Variants in SLITRK4 observed in about 807,000 individuals in gnomAD.
SLITRK4 encodes SLIT and NTRK like family member 4, also known as SLIT and NTRK-like protein 4.
A neutral mutation model predicts 34.7 loss-of-function variants in SLITRK4; 7 were observed. That is an observed-to-expected ratio of 0.20 (90% CI 0.11 to 0.38). SLITRK4 has a LOEUF of 0.38. SLITRK4 is among the 10% of genes least tolerant of loss of function. SLITRK4 has a pLI of 1.00. For synonymous variants in SLITRK4, 237 were observed against 246.2 expected, an observed-to-expected ratio of 0.96 and a Z score of 0.35; for missense variants, 474 against 607.0, an observed-to-expected ratio of 0.78 and a Z score of 2.30.
At position 143,625,229 on chromosome X, in the gene SLITRK4, A is replaced by G. The variant is rs1556425240; in HGVS notation, c.*3366T>C. The G allele has an allele frequency of 9.0e-6, 1 of 111,328 alleles. No homozygotes were observed. Among genetic ancestry groups the G allele is most frequent in the Non-Finnish European group, 1.9e-5 (1 of 52,762 alleles). The allele number at this position is 111,328 out of a possible 1,213,427, so 9.2% of individuals were successfully genotyped here. On this transcript the variant is annotated 3_prime_UTR_variant, in exon 2 of 2. Coordinates refer to ENST00000356928, the MANE Select transcript of SLITRK4 (RefSeq NM_001184749.3). ...ACAAAAGAAAGATGGTCTTAAATAA[A>G]TTTCTAATTCATATATTTTTTCAGT...
chrX:143,634,678 C>T (rs1931172360), intron 1 of SLITRK4, among the ~76,000 whole-genome samples: 1 of 110,695 alleles, frequency 9.0e-6, no homozygotes, highest in Non-Finnish European at 1.9e-5. Flanking sequence ...ACTCAACCGG[C>T]CCCAAACCAA....
rs1930908943 is a variant in SLITRK4, at chrX:143,628,859, G to A, written c.2250C>T (p.Phe750=). ...LSTIDELDEL[F]PSRDSNVFIQ... ...TAAACACATTGGAATCCCTGCTAGG[G>A]AATAATTCATCCAGCTCATCAATTG... The change falls in exon 2 of 2, where the codon TTC becomes TTT. Residue 750 remains phenylalanine (F), a synonymous_variant. Coordinates refer to ENST00000356928, the MANE Select transcript of SLITRK4 (RefSeq NM_001184749.3). 1.7e-6 allele frequency: 2 copies of A among 1,209,602 alleles called. No homozygotes were observed. Among genetic ancestry groups the A allele is most frequent in the South Asian group, 3.5e-5 (2 of 56,796 alleles).
rs1202033070 is a variant in SLITRK4, at chrX:143,625,651, A to C, written c.*2944T>G. On this transcript the variant is annotated 3_prime_UTR_variant, in exon 2 of 2. Transcript: ENST00000356928. ...TACCTCCAGGGGTTAAACTAACATC[A>C]AGGTTATAGTTGAAGCCAACAAAAT... is the stretch of plus-strand genomic sequence containing the variant. The C allele has an allele frequency of 9.0e-6, 1 of 111,461 alleles. No homozygotes were observed. The highest frequency in any genetic ancestry group is 9.5e-5 in the Admixed American group (1 of 10,496). 9.2% of individuals were successfully genotyped at this position (111,461 alleles called of 1,213,427 possible).
In SLITRK4 at chrX:143,623,516, C is replaced by T. The variant is rs1230427330; in HGVS notation, c.*5079G>A. 9.1e-6 allele frequency: 1 copy of T among 109,568 alleles called. No homozygotes were observed. Among genetic ancestry groups the T allele is most frequent in the Non-Finnish European group, 1.9e-5 (1 of 52,441 alleles). 9.0% of individuals were successfully genotyped at this position (109,568 alleles called of 1,213,427 possible). The stretch of plus-strand genomic sequence containing the variant: ...ACACAATTTCCCTTCCTCGATTTTC[C>T]CTTTTAAAACACAATCCTATCAACC... On this transcript the variant is annotated 3_prime_UTR_variant, in exon 2 of 2. Transcript: ENST00000356928.
In SLITRK4 at chrX:143,630,456, C is replaced by T. The variant is rs137899685; in HGVS notation, c.653G>A (p.Ser218Asn). ...LQLEDNPWNCSCDLLPLKAWL... is the reference protein window; with the variant it reads ...LQLEDNPWNCNCDLLPLKAWL... ...AGCTTTTAAGGGCAATAAATCACAG[C>T]TACAGTTCCAAGGGTTATCTTCCAG... The change falls in exon 2 of 2, where the codon AGC (serine) becomes AAC (asparagine). Residue 218 changes from serine to asparagine, a missense_variant. Physicochemically the swap from Ser to Asn is conservative, Grantham distance 46 (BLOSUM62 1). This residue lies in a region of SLITRK4 where 45 missense variants were observed against 99.2 expected (regional missense o/e 0.45). Coordinates refer to ENST00000356928, the MANE Select transcript of SLITRK4 (RefSeq NM_001184749.3). 1 of 1,209,955 alleles carries T rather than the reference C, an allele frequency of 8.3e-7. No individual in the cohort carries two copies. The highest frequency in any genetic ancestry group is 1.8e-5 in the African/African-American group (1 of 57,059).
chrX:143,624,720 GCAAA>G lies in SLITRK4; in HGVS notation c.*3871_*3874del, dbSNP rs1479032737. On this transcript the variant is annotated 3_prime_UTR_variant, in exon 2 of 2. Coordinates refer to ENST00000356928, the MANE Select transcript of SLITRK4 (RefSeq NM_001184749.3). ...CTGTGGCTTCAGAAATATCATTGTAGCAAACAATTTTATTAATACTTTCATAAAA... is the reference window on the plus strand; with the variant it reads ...CTGTGGCTTCAGAAATATCATTGTAGCAATTTTATTAATACTTTCATAAAA... 2 of 109,598 alleles carry G rather than the reference GCAAA, an allele frequency of 1.8e-5. No homozygotes were observed. The highest frequency in any genetic ancestry group is 3.3e-5 in the African/African-American group (1 of 30,579). 9.0% of individuals were successfully genotyped at this position (109,598 alleles called of 1,213,427 possible).
chrX:143,633,485 G>A (rs1436685611), intron 1 of SLITRK4, among the ~76,000 whole-genome samples: 1 of 110,898 alleles, frequency 9.0e-6, no homozygotes, highest in East Asian at 2.9e-4. Context: ...CTTCTCTGTG[G>A]CTGCTGGGAG....
Position 143,628,990 on chromosome X carries a change from T to A in SLITRK4, c.2119A>T (p.Thr707Ser). The A allele has an allele frequency of 8.3e-7, 1 of 1,211,247 alleles. No homozygotes were observed. Among genetic ancestry groups the A allele is most frequent in the Non-Finnish European group, 1.1e-6 (1 of 895,421 alleles). The change falls in exon 2 of 2, where the codon ACT becomes TCT. Residue 707 changes from threonine to serine, a missense_variant. Around this residue, in one of 3 missense-constraint regions of SLITRK4, gnomAD observed 345 missense variants for 406.5 expected, o/e 0.85. Coordinates refer to ENST00000356928, the MANE Select transcript of SLITRK4 (RefSeq NM_001184749.3). Reference sequence around the variant, plus strand: ...GGAGGATCTGAAAACATGAACCCAGTTTCTGACTCTTTCAAGCCACAAGTG... The same window carrying A: ...GGAGGATCTGAAAACATGAACCCAGATTCTGACTCTTTCAAGCCACAAGTG... ...SHTCGLKESE[T>S]GFMFSDPPGQ...
Position 143,630,812 on chromosome X carries a change from C to T in SLITRK4, c.297G>A (p.Glu99=), listed in dbSNP as rs142360999. Reference sequence around the variant, plus strand: ...CACTGAGCCCAAGAAAGGCTCCTCCCTCAATGTTCTGCAGTTTATTATTCC... The same window carrying T: ...CACTGAGCCCAAGAAAGGCTCCTCCTTCAATGTTCTGCAGTTTATTATTCC... ...HLGNNKLQNI[E]GGAFLGLSAL... is the part of the protein sequence containing the mutation. Residue 99 remains glutamate (E), a synonymous_variant, in exon 2 of 2, where the codon GAG becomes GAA. Coordinates refer to ENST00000356928, the MANE Select transcript of SLITRK4 (RefSeq NM_001184749.3). 3.1e-3 allele frequency: 3,770 copies of T among 1,210,310 alleles called. 60 individuals are homozygous for T. The African/African-American group carries it at 0.049, about 16-fold the overall frequency.
chrX:143,628,258 T>A lies in SLITRK4; in HGVS notation c.*337A>T, dbSNP rs1245197870. The A allele has an allele frequency of 3.3e-6, 1 of 298,650 alleles. No individual in the cohort carries two copies. Among genetic ancestry groups the A allele is most frequent in the African/African-American group, 2.8e-5 (1 of 35,328 alleles). The allele number at this position is 298,650 out of a possible 1,213,427, so 24.6% of individuals were successfully genotyped here. Reference sequence around the variant, plus strand: ...TACAGGTGTACCAGTTTTCTTGAGTTTGCTTTACAAAGCACAAAGAGACGA... The same window carrying A: ...TACAGGTGTACCAGTTTTCTTGAGTATGCTTTACAAAGCACAAAGAGACGA... On this transcript the variant is annotated 3_prime_UTR_variant, in exon 2 of 2. Transcript: ENST00000356928.
chrX:143,630,776 C>T lies in SLITRK4; in HGVS notation c.333G>A (p.Gln111=), dbSNP rs1931004674. 2 of 1,209,993 alleles carry T rather than the reference C, an allele frequency of 1.7e-6. No individual in the cohort carries two copies. Among genetic ancestry groups the T allele is most frequent in the Non-Finnish European group, 2.2e-6 (2 of 895,134 alleles). Residue 111 remains glutamine, a synonymous_variant, in exon 2 of 2, where the codon CAG becomes CAA. Coordinates refer to ENST00000356928, the MANE Select transcript of SLITRK4 (RefSeq NM_001184749.3). Reference sequence around the variant, plus strand: ...TTAATTCATTGTTGTTCAAGTGCAACTGCTTTAATGCACTGAGCCCAAGAA... The same window carrying T: ...TTAATTCATTGTTGTTCAAGTGCAATTGCTTTAATGCACTGAGCCCAAGAA... ...GAFLGLSALK[Q]LHLNNNELKI...
chrX:143,626,046 C>T lies in SLITRK4; in HGVS notation c.*2549G>A, dbSNP rs1556425388. The T allele has an allele frequency of 9.0e-6, 1 of 111,519 alleles. No homozygotes were observed. Among genetic ancestry groups the T allele is most frequent in the East Asian group, 2.8e-4 (1 of 3,574 alleles). 9.2% of individuals were successfully genotyped at this position (111,519 alleles called of 1,213,427 possible). ...CCTTGAAACATCTTCAGAACATCAC[C>T]ACACTGAATAAAAGTATCATTCAAA... On this transcript the variant is annotated 3_prime_UTR_variant, in exon 2 of 2. Transcript: ENST00000356928.
rs1556427427 is a variant in SLITRK4, at chrX:143,630,133, G to A, written c.976C>T (p.Leu326Phe). Reference protein sequence around the residue: ...VAGKALSNRNLSQIVSYQTRV... With the variant: ...VAGKALSNRNFSQIVSYQTRV... ...GTTTGGTAAGACACAATCTGACTGA[G>A]ATTGCGGTTGGAGAGGGCTTTGCCT... The change falls in exon 2 of 2, where the codon CTC becomes TTC. Residue 326 changes from leucine to phenylalanine, a missense_variant. Physicochemically the swap from Leu to Phe is conservative, Grantham distance 22 (BLOSUM62 0). Coordinates refer to ENST00000356928, the MANE Select transcript of SLITRK4 (RefSeq NM_001184749.3). The A allele has an allele frequency of 8.3e-7, 1 of 1,211,961 alleles. No individual in the cohort carries two copies. Among genetic ancestry groups the A allele is most frequent in the South Asian group, 1.8e-5 (1 of 57,003 alleles).
In SLITRK4 at chrX:143,625,959, T is replaced by C. The variant is rs1381329653; in HGVS notation, c.*2636A>G. Reference sequence around the variant, plus strand: ...TAGCAGAAGAGTATGAGATAGCCAATATGCTACAGCAAGCTTTTGAGATGG... The same window carrying C: ...TAGCAGAAGAGTATGAGATAGCCAACATGCTACAGCAAGCTTTTGAGATGG... On this transcript the variant is annotated 3_prime_UTR_variant, in exon 2 of 2. Coordinates refer to ENST00000356928, the MANE Select transcript of SLITRK4 (RefSeq NM_001184749.3). 1.8e-5 allele frequency: 2 copies of C among 111,810 alleles called. No homozygotes were observed. The highest frequency in any genetic ancestry group is 3.2e-5 in the African/African-American group (1 of 30,867). The allele number at this position is 111,810 out of a possible 1,213,427, so 9.2% of individuals were successfully genotyped here. A position where few individuals can be genotyped will look rare whatever the true frequency, so the allele number is the denominator to read the frequency against.
At position 143,629,657 on chromosome X, in the gene SLITRK4, G is replaced by A; in HGVS notation, c.1452C>T (p.Leu484=). The A allele has an allele frequency of 8.3e-7, 1 of 1,211,666 alleles. No homozygotes were observed. The highest frequency in any genetic ancestry group is 1.1e-6 in the Non-Finnish European group (1 of 895,525). ...AGATGTAAACAGGCAGGCTCTTTAG[G>A]AGATTATTGTTTAAGTACAGTAACT... is the stretch of plus-strand genomic sequence containing the variant. ...NLQLLYLNNN[L]LKSLPVYIFS... Residue 484 remains leucine, a synonymous_variant, in exon 2 of 2, where the codon CTC becomes CTT. Coordinates refer to ENST00000356928, the MANE Select transcript of SLITRK4 (RefSeq NM_001184749.3).
At chrX:143,632,579 T>C (rs781970660) in intron 1 of SLITRK4, among the ~76,000 whole-genome samples, 1 of 111,885 alleles carries the variant, frequency 8.9e-6, no homozygotes, top group East Asian at 2.8e-4. Flanking sequence ...GAAAGAAGTG[T>C]CGCACAGAAA....
At position 143,629,455 on chromosome X, in the gene SLITRK4, C is replaced by G. The variant is rs145611405; in HGVS notation, c.1654G>C (p.Gly552Arg). 3.3e-6 allele frequency: 4 copies of G among 1,211,509 alleles called. No homozygotes were observed. In the South Asian group the frequency reaches 7.0e-5, roughly 21 times the overall value. The change falls in exon 2 of 2, where the codon GGG becomes CGG. Residue 552 changes from glycine to arginine, a missense_variant. By Grantham distance (125) the Gly-to-Arg change is moderately radical. Transcript: ENST00000356928. Reference protein sequence around the residue: ...LKLWVEKLSDGIVVKELKCET... With the variant: ...LKLWVEKLSDRIVVKELKCET... ...CATTTCAGTTCTTTCACAACAATCC[C>G]GTCGCTCAACTTCTCCACCCACAGC...
Position 143,630,763 on chromosome X carries a change from T to G in SLITRK4, c.346A>C (p.Asn116His), listed in dbSNP as rs782453903. Residue 116 changes from asparagine to histidine, a missense_variant, in exon 2 of 2, where the codon AAC becomes CAC. This residue lies in a region of SLITRK4 where 84 missense variants were observed against 101.3 expected (regional missense o/e 0.83). Transcript: ENST00000356928. ...GCTCGGAGAATCTTTAATTCATTGT[T>G]GTTCAAGTGCAACTGCTTTAATGCA... is the stretch of plus-strand genomic sequence containing the variant. ...LSALKQLHLNNNELKILRADT... is the reference protein window; with the variant it reads ...LSALKQLHLNHNELKILRADT... 5 of 1,209,814 alleles carry G rather than the reference T, an allele frequency of 4.1e-6. No homozygotes were observed. In the Admixed American group the frequency reaches 8.7e-5, roughly 21 times the overall value.
Position 143,631,136 on chromosome X carries a change from GCTT to G in SLITRK4, c.-31_-29del. Reference sequence around the variant, plus strand: ...TCTTGCAATCAGCAAACAACTGTATGCTTCTGAATAAAGAGAAATAATCTAAAA... The same window carrying G: ...TCTTGCAATCAGCAAACAACTGTATGCTGAATAAAGAGAAATAATCTAAAA... On this transcript the variant is annotated 5_prime_UTR_variant, in exon 2 of 2. Coordinates refer to ENST00000356928, the MANE Select transcript of SLITRK4 (RefSeq NM_001184749.3). The G allele has an allele frequency of 9.5e-7, 1 of 1,050,456 alleles. No homozygotes were observed. Among genetic ancestry groups the G allele is most frequent in the Non-Finnish European group, 1.3e-6 (1 of 790,158 alleles). The allele number at this position is 1,050,456 out of a possible 1,213,427, so 86.6% of individuals were successfully genotyped here. A position where few individuals can be genotyped will look rare whatever the true frequency, so the allele number is the denominator to read the frequency against.
Sources: allele counts gnomAD v4.1 joint callset (sites outside exome capture counted in the v4.1 genomes callset), GRCh38; gene constraint gnomAD v4.1.1; regional missense constraint gnomAD v4.1.1; transcripts MANE v1.5; gene names NCBI Gene and HGNC (gene_info 2026-07-23, HGNC 2026-07-21).